Variants in NLGN1 observed in about 807,000 individuals in gnomAD.
The protein encoded by NLGN1 is neuroligin 1.
NLGN1 carries 12 observed loss-of-function variants against 65.5 expected under a neutral mutation model. The ratio of observed to expected loss-of-function variants is 0.18; its 90% confidence interval spans 0.12 to 0.30. The LOEUF is 0.30. NLGN1 is among the 10% of genes least tolerant of loss of function. NLGN1 has a pLI of 1.00. For missense variants in NLGN1, 750 were observed against 1,007.1 expected (o/e 0.74, Z 3.46); for synonymous variants, 350 against 359.5 (o/e 0.97, Z 0.30).
chr3:174,251,584 C>A (rs1221255265), intron 4 of NLGN1, among the ~76,000 whole-genome samples: 1 of 152,114 alleles, frequency 6.6e-6, no homozygotes. Context: ...TAGCTTGTTG[C>A]ATGATGATAT....
intron 3 of NLGN1, among the ~76,000 whole-genome samples, chr3:173,614,218 T>G (rs1035091101): frequency 6.6e-6 from 1 of 151,878 alleles, no homozygotes; most frequent in Non-Finnish European, 1.5e-5. Context: ...GAGGGATAAG[T>G]ATGAGCAGGG....
At chr3:174,237,290 T>G (rs1741893161) in intron 4 of NLGN1, among the ~76,000 whole-genome samples, 1 of 152,178 alleles carries the variant, frequency 6.6e-6, no homozygotes, top group African/African-American at 2.4e-5. Context: ...ACACAGATTC[T>G]ATTCCAATAT....
intron 3 of NLGN1, among the ~76,000 whole-genome samples, chr3:173,796,090 A>G (rs942124306): frequency 3.3e-5 from 5 of 151,974 alleles, no homozygotes; most frequent in African/African-American, 1.2e-4. Context: ...AATACCCTCA[A>G]CCTACTTGCC....
At chr3:173,944,219 T>G (rs770718389) in intron 4 of NLGN1, among the ~76,000 whole-genome samples, 1 of 151,046 alleles carries the variant, frequency 6.6e-6, no homozygotes, top group Non-Finnish European at 1.5e-5. Flanking sequence ...TTGTATCACC[T>G]TCCTCATTTT....
intron 1 of NLGN1, among the ~76,000 whole-genome samples, chr3:173,417,153 C>T (rs1713967195): frequency 6.6e-6 from 1 of 151,842 alleles, no homozygotes. Flanking sequence ...ACATATTCTT[C>T]CATGTCTCAA....
At chr3:174,235,022 A>G (rs1418914741) in intron 4 of NLGN1, among the ~76,000 whole-genome samples, 1 of 81,758 alleles carries the variant, frequency 1.2e-5, no homozygotes, top group Admixed American at 1.6e-4. Context: ...TTTTGTAAAT[A>G]AGAGTACCAC....
chr3:173,728,652 G>C (rs915467908), intron 3 of NLGN1, among the ~76,000 whole-genome samples: 1 of 152,098 alleles, frequency 6.6e-6, no homozygotes, highest in Non-Finnish European at 1.5e-5. Flanking sequence ...TGGTATCTTT[G>C]TAAGAGTAGA....
intron 4 of NLGN1, among the ~76,000 whole-genome samples, chr3:174,045,519 A>T (rs1022054723): frequency 2.0e-5 from 3 of 152,228 alleles, no homozygotes; most frequent in East Asian, 1.9e-4. Context: ...ACAATCCAAG[A>T]TGAGATTTGG....
chr3:173,699,070 G>A (rs1399919385), intron 3 of NLGN1, among the ~76,000 whole-genome samples: 1 of 152,004 alleles, frequency 6.6e-6, no homozygotes, highest in Non-Finnish European at 1.5e-5. Context: ...TGTTCAGGCT[G>A]GTCTCAAATT....
At chr3:173,464,541 T>C (rs1372182146) in intron 2 of NLGN1, among the ~76,000 whole-genome samples, 1 of 151,516 alleles carries the variant, frequency 6.6e-6, no homozygotes, top group African/African-American at 2.4e-5. Flanking sequence ...GTTCAAGCGA[T>C]TCTCCTGCCT....
At chr3:173,967,578 A>G (rs919479488) in intron 4 of NLGN1, among the ~76,000 whole-genome samples, 2 of 152,192 alleles carry the variant, frequency 1.3e-5, no homozygotes, top group Non-Finnish European at 2.9e-5. Flanking sequence ...ACATTACTAT[A>G]TAATTTAGCT....
intron 3 of NLGN1, among the ~76,000 whole-genome samples, chr3:173,758,396 A>T (rs751621396): frequency 6.6e-6 from 1 of 152,064 alleles, no homozygotes; most frequent in Non-Finnish European, 1.5e-5. Context: ...TGTATTTTTT[A>T]AAAATTTTCT....
chr3:173,827,828 A>G (rs2150572788), intron 4 of NLGN1, among the ~76,000 whole-genome samples: 1 of 152,096 alleles, frequency 6.6e-6, no homozygotes, highest in East Asian at 1.9e-4. Flanking sequence ...GATGTCCAAG[A>G]GCAGAAAATA....
intron 2 of NLGN1, among the ~76,000 whole-genome samples, chr3:173,517,389 C>A (rs536203256): frequency 5.3e-5 from 8 of 152,148 alleles, no homozygotes; most frequent in African/African-American, 1.9e-4. Flanking sequence ...AAACTTCTTG[C>A]AAAATATCTC....
chr3:173,988,064 A>T (rs927322994), intron 4 of NLGN1, among the ~76,000 whole-genome samples: 1 of 152,192 alleles, frequency 6.6e-6, no homozygotes, highest in Non-Finnish European at 1.5e-5. Flanking sequence ...AAATAAAAAG[A>T]TTCTCAATTA....
chr3:174,207,079 T>G (rs1229723996), intron 4 of NLGN1, among the ~76,000 whole-genome samples: 2 of 152,046 alleles, frequency 1.3e-5, no homozygotes, highest in Admixed American at 1.3e-4. Flanking sequence ...GTGGGAGAAG[T>G]GAAGGAATGT....
At chr3:173,920,040 G>T (rs1741655588) in intron 4 of NLGN1, among the ~76,000 whole-genome samples, 1 of 151,940 alleles carries the variant, frequency 6.6e-6, no homozygotes, top group East Asian at 1.9e-4. Context: ...CCAGAGCAGG[G>T]TTGAGAGAGA....
At chr3:173,480,628 GGTAGTAAAT>G (rs1242207365) in intron 2 of NLGN1, among the ~76,000 whole-genome samples, 1 of 152,000 alleles carries the variant, frequency 6.6e-6, no homozygotes, top group African/African-American at 2.4e-5. Context: ...TCATTAAATT[GGTAGTAAAT>G]GTAGTAAATT....
At chr3:174,284,237 T>C (rs918129559) in exon 7 of NLGN1, 1 of 151,318 alleles carries the variant, frequency 6.6e-6, no homozygotes, top group African/African-American at 2.4e-5. Context: ...TGTGAATGAG[T>C]GTTAGTTGCT....
Sources: gnomAD v4.1 joint callset for allele counts (sites outside exome capture counted in the v4.1 genomes callset) on GRCh38, gnomAD v4.1.1 for gene constraint, MANE v1.5 for transcripts, NCBI Gene and HGNC (gene_info 2026-07-23, HGNC 2026-07-21) for gene names.